Variants in SYT3 observed in about 807,000 individuals in gnomAD.
SYT3 encodes synaptotagmin 3.
A neutral mutation model predicts 50.6 loss-of-function variants in SYT3; 25 were observed. That is an observed-to-expected ratio of 0.49 (90% CI 0.36 to 0.69). The LOEUF is 0.69. SYT3 is among the 30% of genes least tolerant of loss of function. The pLI, the probability that SYT3 is intolerant of heterozygous loss-of-function variation, is 0.00. For missense variants in SYT3, 589 were observed against 793.6 expected (o/e 0.74, Z 3.10); for synonymous variants, 323 against 353.9 (o/e 0.91, Z 0.98).
the SYT3 span, among the ~76,000 whole-genome samples, chr19:50,650,301 G>C: frequency 3.9e-5 from 6 of 152,346 alleles, no homozygotes; most frequent in African/African-American, 1.4e-4. Context: ...CTGTAGCACA[G>C]CTCATGCAGT....
the SYT3 span, among the ~76,000 whole-genome samples, chr19:50,651,094 C>T: frequency 6.6e-6 from 1 of 152,214 alleles, no homozygotes; most frequent in Admixed American, 6.5e-5. Context: ...CCCCTGGGTC[C>T]CAAGCATTTT....
At chr19:50,628,239 C>T (rs368145437) in intron 6 of SYT3, among the ~76,000 whole-genome samples, 97 of 152,034 alleles carry the variant, frequency 6.4e-4, no homozygotes, top group African/African-American at 2.0e-3. Flanking sequence ...GGAGCGGGGG[C>T]GCTGTAGAGT....
At chr19:50,635,486 G>C (rs2123019412) in intron 3 of SYT3, among the ~76,000 whole-genome samples, 1 of 152,344 alleles carries the variant, frequency 6.6e-6, no homozygotes, top group Admixed American at 6.5e-5. Flanking sequence ...TAGTTGCGCA[G>C]TAGAAGATTC....
intron 4 of SYT3, among the ~76,000 whole-genome samples, chr19:50,631,383 C>T (rs371459754): frequency 2.6e-5 from 4 of 151,830 alleles, no homozygotes; most frequent in African/African-American, 7.2e-5. Flanking sequence ...AGGCTGGTCT[C>T]GAACTCCTGA....
chr19:50,655,634 A>G, the SYT3 span, among the ~76,000 whole-genome samples: 1 of 151,262 alleles, frequency 6.6e-6, no homozygotes, highest in Non-Finnish European at 1.5e-5. Context: ...GGGCGACAGA[A>G]CAAGACTCTG....
intron 3 of SYT3, among the ~76,000 whole-genome samples, chr19:50,634,754 T>C (rs1334877373): frequency 6.6e-6 from 1 of 152,000 alleles, no homozygotes; most frequent in East Asian, 1.9e-4. Context: ...TGGCTAATTT[T>C]TGTATTTTTG....
In SYT3 at chr19:50,627,306, G is replaced by A. The variant is rs62112491; in HGVS notation, c.1282-1289C>T. On this transcript the variant is annotated intron_variant, in intron 6 of 10. Transcript: ENST00000600079. ...CCAGATCCCCCACAGCCCTGCAGAG[G>A]CTCCTCCTGTGCCTCCCCATAACCC... Among the ~76,000 whole-genome samples, 641 of 152,258 alleles carry A rather than the reference G, an allele frequency of 4.2e-3. 4 individuals are homozygous for A. The highest frequency in any genetic ancestry group is 0.017 in the Middle Eastern group (5 of 294).
chr19:50,622,756 C>T lies in SYT3; in HGVS notation c.1708-1G>A. 1.0e-6 allele frequency: 1 copy of T among 994,490 alleles called. No individual in the cohort carries two copies. Among genetic ancestry groups the T allele is most frequent in the Non-Finnish European group, 1.6e-6 (1 of 621,850 alleles). The allele number at this position is 994,490 out of a possible 1,614,324, so 61.6% of individuals were successfully genotyped here. ...TTGTGAAGCTGGTCACAGTCTTTTC[C>T]TAAAGGAGAAAGTGCAGAAGGTTCG... is the stretch of plus-strand genomic sequence containing the variant. On this transcript the variant is annotated splice_acceptor_variant, in intron 9 of 10. Transcript: ENST00000600079. LOFTEE classifies it high-confidence loss of function.
At chr19:50,649,324 A>C in the SYT3 span, 356 of 838,122 alleles carry the variant, frequency 4.2e-4, no homozygotes, top group Non-Finnish European at 6.1e-4. Context: ...CTGTAATTCT[A>C]CCCCGGGGCT....
chr19:50,629,858 C>G lies in SYT3; in HGVS notation c.988G>C (p.Asp330His), dbSNP rs1241943477. Residue 330 changes from aspartate to histidine, a missense_variant, in exon 5 of 11, where the codon GAC becomes CAC. This residue lies in a region of SYT3 where 273 missense variants were observed against 439.3 expected (regional missense o/e 0.62). Coordinates refer to ENST00000600079, the MANE Select transcript of SYT3 (RefSeq NM_001160329.2). ...TAGGGGTCTGAGAAGCCGTTGGAGT[C>G]CTTGGCAGGGAGGTCCAGGGCCTGC... ...ILQALDLPAKDSNGFSDPYVK... is the reference protein window; with the variant it reads ...ILQALDLPAKHSNGFSDPYVK... 1.2e-6 allele frequency: 2 copies of G among 1,614,124 alleles called. No homozygotes were observed. The highest frequency in any genetic ancestry group is 1.7e-6 in the Non-Finnish European group (2 of 1,179,990).
chr19:50,645,489 A>G, the SYT3 span, among the ~76,000 whole-genome samples: 3 of 152,226 alleles, frequency 2.0e-5, no homozygotes, highest in African/African-American at 4.8e-5. Context: ...ACAGATGTAC[A>G]GAGAGAAAGA....
the SYT3 span, among the ~76,000 whole-genome samples, chr19:50,645,640 A>C: frequency 6.6e-6 from 1 of 152,194 alleles, no homozygotes; most frequent in Non-Finnish European, 1.5e-5. Context: ...GCACTTTGGG[A>C]GGCTGAGGCA....
the SYT3 span, among the ~76,000 whole-genome samples, chr19:50,648,921 T>G: frequency 1.4e-5 from 2 of 144,282 alleles, no homozygotes; most frequent in Admixed American, 6.9e-5. Flanking sequence ...AGGAGACTGG[T>G]GAGAGGTGGG....
chr19:50,629,759 C>T (rs373149042), intron 5 of SYT3, 25 bp downstream of exon 5: 7 of 1,571,838 alleles, frequency 4.5e-6, no homozygotes, highest in Middle Eastern at 1.7e-4. Context: ...TGTGGGAACC[C>T]GGTGTCCAGC....
chr19:50,649,660 G>C, the SYT3 span: 1 of 905,088 alleles, frequency 1.1e-6, no homozygotes, highest in Non-Finnish European at 1.7e-6. Flanking sequence ...CAGATTCCTG[G>C]AGAGCGGCCC....
chr19:50,657,900 G>A, the SYT3 span: 17 of 1,427,452 alleles, frequency 1.2e-5, no homozygotes, highest in Admixed American at 2.9e-5. Flanking sequence ...TCTGTGGCAG[G>A]TTCTGCAGGT....
At chr19:50,633,143 G>A (rs1984381574) in intron 3 of SYT3, among the ~76,000 whole-genome samples, 1 of 151,970 alleles carries the variant, frequency 6.6e-6, no homozygotes, top group African/African-American at 2.4e-5. Context: ...TATCACACCT[G>A]GCTAACTTTT....
At chr19:50,628,733 CG>C (rs1330461233) in intron 6 of SYT3, among the ~76,000 whole-genome samples, 3 of 150,926 alleles carry the variant, frequency 2.0e-5, no homozygotes, top group African/African-American at 7.3e-5. Flanking sequence ...TATGGCAAAG[CG>C]GGTGAGAGGT....
the SYT3 span, among the ~76,000 whole-genome samples, chr19:50,652,660 A>G: frequency 6.6e-5 from 10 of 152,186 alleles, no homozygotes; most frequent in African/African-American, 2.4e-4. Context: ...GCACGGTCTG[A>G]TCACGTGTGG....
Sources: allele counts gnomAD v4.1 joint callset (sites outside exome capture counted in the v4.1 genomes callset), GRCh38; gene constraint gnomAD v4.1.1; regional missense constraint gnomAD v4.1.1; transcripts MANE v1.5; gene names NCBI Gene and HGNC (gene_info 2026-07-23, HGNC 2026-07-21).